The following PCDHGA9 variants were observed in gnomAD, a reference collection of about 807,000 sequenced individuals.
The protein encoded by PCDHGA9 is protocadherin gamma subfamily A, 9, also known as protocadherin gamma-A9.
A neutral mutation model predicts 62.5 loss-of-function variants in PCDHGA9; 37 were observed. The ratio of observed to expected loss-of-function variants is 0.59; its 90% confidence interval spans 0.46 to 0.78. PCDHGA9 has a LOEUF of 0.78. PCDHGA9 is among the 30% of genes least tolerant of loss of function. The pLI is 0.00. For synonymous variants in PCDHGA9, 459 were observed against 484.6 expected, an observed-to-expected ratio of 0.95 and a Z score of 0.69; for missense variants, 1,138 against 1,166.2, an observed-to-expected ratio of 0.98 and a Z score of 0.35.
chr5:141,448,928 G>C (rs2098617520), intron 1 of PCDHGA9, among the ~76,000 whole-genome samples: 1 of 152,166 alleles, frequency 6.6e-6, no homozygotes, highest in Non-Finnish European at 1.5e-5. Context: ...CTGGGCGACA[G>C]AGCAAGACTG....
chr5:141,465,786 T>G (rs1236517595), intron 1 of PCDHGA9, among the ~76,000 whole-genome samples: 1 of 152,136 alleles, frequency 6.6e-6, no homozygotes, highest in Non-Finnish European at 1.5e-5. Flanking sequence ...ACAGTTTTTT[T>G]TTTTTTAAGA....
intron 1 of PCDHGA9, among the ~76,000 whole-genome samples, chr5:141,450,572 T>C (rs1276283357): frequency 6.6e-6 from 1 of 151,710 alleles, no homozygotes; most frequent in Non-Finnish European, 1.5e-5. Context: ...CTGCAACTTC[T>C]GCCTCCCAGG....
intron 1 of PCDHGA9, chr5:141,423,750 TGGG>T: frequency 4.5e-5 from 13 of 287,436 alleles, no homozygotes; most frequent in South Asian, 1.7e-4. Flanking sequence ...GAAAACTGTT[TGGG>T]GGGGGGGTGG....
intron 1 of PCDHGA9, among the ~76,000 whole-genome samples, chr5:141,464,833 G>A (rs1015373577): frequency 6.6e-6 from 1 of 151,990 alleles, no homozygotes; most frequent in African/African-American, 2.4e-5. Context: ...CGCACTCCTG[G>A]GCTCAAGCAA....
At chr5:141,494,075 C>T (rs1482844644) in intron 1 of PCDHGA9, among the ~76,000 whole-genome samples, 7 of 152,322 alleles carry the variant, frequency 4.6e-5, no homozygotes, top group East Asian at 1.9e-4. Context: ...GATCCCTCCC[C>T]GCTGCATCCC....
chr5:141,404,771 C>A lies in PCDHGA9; in HGVS notation c.1819C>A (p.Arg607Ser). 1.2e-6 allele frequency: 2 copies of A among 1,613,870 alleles called. No individual in the cohort carries two copies. Among genetic ancestry groups the A allele is most frequent in the African/African-American group, 1.3e-5 (1 of 74,938 alleles). Residue 607 changes from arginine (R) to serine (S), a missense_variant, in exon 1 of 4, where the codon CGC (arginine) becomes AGC (serine). Arg to Ser is a moderately radical substitution (Grantham distance 110). Coordinates refer to ENST00000573521, the MANE Select transcript of PCDHGA9 (RefSeq NM_018921.3). ...DSGQNAWLSY[R>S]LFKASEPGLF... ...AGGCCAGAATGCTTGGCTCTCCTAC[C>A]GCCTATTCAAGGCCAGTGAGCCAGG...
intron 1 of PCDHGA9, chr5:141,423,553 T>G: frequency 2.5e-6 from 4 of 1,613,548 alleles, no homozygotes; most frequent in Non-Finnish European, 3.4e-6. Flanking sequence ...CCAGCCCAAC[T>G]ATGGGGACAC....
rs201378410 is a variant in PCDHGA9, at chr5:141,414,802, G to T, written c.2424+9426G>T. Reference sequence around the variant, plus strand: ...GCAGGTGACAGCCAGCGACAGCGGGGATCCTCCACTCAGCAGCAACGTGTC... The same window carrying T: ...GCAGGTGACAGCCAGCGACAGCGGGTATCCTCCACTCAGCAGCAACGTGTC... On this transcript the variant is annotated intron_variant, in intron 1 of 3. Coordinates refer to ENST00000573521, the MANE Select transcript of PCDHGA9 (RefSeq NM_018921.3). The T allele has an allele frequency of 4.3e-6, 7 of 1,614,226 alleles. No homozygotes were observed. The African/African-American group carries it at 8.0e-5, about 18-fold the overall frequency.
At position 141,497,121 on chromosome 5, in the gene PCDHGA9, G is replaced by T. The variant is rs185298630; in HGVS notation, c.2483+2256G>T. Among the ~76,000 whole-genome samples, 563 of 152,212 alleles carry T rather than the reference G, an allele frequency of 3.7e-3. 5 individuals are homozygous for T. The highest frequency in any genetic ancestry group is 0.011 in the Admixed American group (164 of 15,296). On this transcript the variant is annotated intron_variant, in intron 2 of 3. Coordinates refer to ENST00000573521, the MANE Select transcript of PCDHGA9 (RefSeq NM_018921.3). Reference sequence around the variant, plus strand: ...GAACTGCTTGAACCCGGAAGGCAGAGGTTGCAGTGAGCTGAGATCACGAAA... The same window carrying T: ...GAACTGCTTGAACCCGGAAGGCAGATGTTGCAGTGAGCTGAGATCACGAAA...
chr5:141,512,712 A>G lies in PCDHGA9; in HGVS notation c.*1539A>G, dbSNP rs1362654237. 1 of 152,806 alleles carries G rather than the reference A, an allele frequency of 6.5e-6. No homozygotes were observed. The highest frequency in any genetic ancestry group is 2.4e-5 in the African/African-American group (1 of 41,414). 9.5% of individuals were successfully genotyped at this position (152,806 alleles called of 1,614,324 possible). On this transcript the variant is annotated 3_prime_UTR_variant, in exon 4 of 4. Coordinates refer to ENST00000573521, the MANE Select transcript of PCDHGA9 (RefSeq NM_018921.3). Reference sequence around the variant, plus strand: ...GTGTAGTGCGGTGTGCTTTTACGTGATGGCGGGTGGGCAGCGGGCGGCGGG... The same window carrying G: ...GTGTAGTGCGGTGTGCTTTTACGTGGTGGCGGGTGGGCAGCGGGCGGCGGG...
At chr5:141,497,212 G>C (rs968445663) in intron 2 of PCDHGA9, among the ~76,000 whole-genome samples, 2 of 151,018 alleles carry the variant, frequency 1.3e-5, no homozygotes, top group East Asian at 3.9e-4. Context: ...AGTGTAATGG[G>C]GGGGGGAAGA....
At chr5:141,409,378 C>G (rs780715519) in intron 1 of PCDHGA9, 3 of 1,613,996 alleles carry the variant, frequency 1.9e-6, no homozygotes, top group Non-Finnish European at 2.5e-6. Context: ...ACATTCCATT[C>G]AAGATTTATT....
At chr5:141,459,938 C>T (rs373341229) in intron 1 of PCDHGA9, among the ~76,000 whole-genome samples, 4 of 152,148 alleles carry the variant, frequency 2.6e-5, no homozygotes, top group African/African-American at 4.8e-5. Context: ...TGTAGCTGGG[C>T]GTGATGGCAG....
Position 141,461,919 on chromosome 5 carries a change from G to T in PCDHGA9, c.2425-32888G>T, listed in dbSNP as rs10060711. On this transcript the variant is annotated intron_variant, in intron 1 of 3. Transcript: ENST00000573521. Reference sequence around the variant, plus strand: ...GCTCACTGCAACCTCTGCCTCCTGGGTTCCAGCAATTCTCCTGCCTCAACC... The same window carrying T: ...GCTCACTGCAACCTCTGCCTCCTGGTTTCCAGCAATTCTCCTGCCTCAACC... 5.4e-3 allele frequency among the ~76,000 whole-genome samples: 815 copies of T among 152,214 alleles called. 11 individuals are homozygous for T. Among genetic ancestry groups the T allele is most frequent in the African/African-American group, 0.019 (780 of 41,542 alleles).
At chr5:141,479,505 G>A (rs2099498324) in intron 1 of PCDHGA9, 1 of 152,262 alleles carries the variant, frequency 6.6e-6, no homozygotes, top group African/African-American at 2.4e-5. Flanking sequence ...CCTAAAGAGG[G>A]GTGAACTGGC....
At chr5:141,441,744 G>A (rs913393900) in intron 1 of PCDHGA9, 7 of 366,408 alleles carry the variant, frequency 1.9e-5, no homozygotes, top group African/African-American at 1.1e-4. Context: ...GCTCGCGCTC[G>A]GCGTCAACGT....
At position 141,419,228 on chromosome 5, in the gene PCDHGA9, T is replaced by G. The variant is rs761014077; in HGVS notation, c.2424+13852T>G. The G allele has an allele frequency of 2.5e-6, 4 of 1,613,874 alleles. No individual in the cohort carries two copies. The East Asian group carries it at 8.9e-5, about 36-fold the overall frequency. On this transcript the variant is annotated intron_variant, in intron 1 of 3. Coordinates refer to ENST00000573521, the MANE Select transcript of PCDHGA9 (RefSeq NM_018921.3). Reference sequence around the variant, plus strand: ...CGCGCCGGTTTTCGGACAGTCAGCCTACCTGGTCCACGTGCCAGAAAACAA... The same window carrying G: ...CGCGCCGGTTTTCGGACAGTCAGCCGACCTGGTCCACGTGCCAGAAAACAA...
At chr5:141,475,988 A>C (rs1197163866) in intron 1 of PCDHGA9, 29 of 1,114,786 alleles carry the variant, frequency 2.6e-5, no homozygotes, top group Non-Finnish European at 3.2e-5. Context: ...GCCGGCGAGC[A>C]AATCAACGGC....
intron 1 of PCDHGA9, chr5:141,492,070 GCCGGCT>G (rs1329848558): frequency 2.1e-6 from 1 of 477,826 alleles, no homozygotes; most frequent in Non-Finnish European, 3.7e-6. Context: ...CCTCCTAGGC[GCCGGCT>G]CCGGCACGCT....
Sources: gnomAD v4.1 joint callset for allele counts (sites outside exome capture counted in the v4.1 genomes callset) on GRCh38, gnomAD v4.1.1 for gene constraint, MANE v1.5 for transcripts, NCBI Gene and HGNC (gene_info 2026-07-23, HGNC 2026-07-21) for gene names.